Variants in CFAP69 observed in about 807,000 individuals in gnomAD.
The protein encoded by CFAP69 is cilia- and flagella-associated protein 69.
CFAP69 carries 92 observed loss-of-function variants against 123.0 expected under a neutral mutation model. The observed-to-expected ratio is 0.75, with a 90% CI of 0.63 to 0.89. The LOEUF (loss-of-function observed/expected upper bound fraction) is 0.89, where lower values mean the gene tolerates loss of function less well. Ranked by LOEUF, CFAP69 falls within the 40% of genes least tolerant of loss-of-function variation. CFAP69 has a pLI of 0.00. For missense variants in CFAP69, 1,067 were observed against 1,096.9 expected (o/e 0.97, Z 0.39); for synonymous variants, 380 against 364.3 (o/e 1.04, Z -0.49).
At chr7:90,283,394 T>A (rs1789774558) in intron 13 of CFAP69, among the ~76,000 whole-genome samples, 1 of 152,200 alleles carries the variant, frequency 6.6e-6, no homozygotes, top group Admixed American at 6.5e-5. Flanking sequence ...TAAAACAGGA[T>A]AACATGGCAT....
At chr7:90,264,101 AAAAATATAT>A (rs1268100412) in intron 4 of CFAP69, among the ~76,000 whole-genome samples, 1 of 31,870 alleles carries the variant, frequency 3.1e-5, no homozygotes, top group Non-Finnish European at 7.7e-5. Context: ...GAAAAAAAAA[AAAAATATAT>A]ATATATATAT....
chr7:90,255,192 A>T (rs1797494205), intron 1 of CFAP69, among the ~76,000 whole-genome samples: 1 of 152,246 alleles, frequency 6.6e-6, no homozygotes, highest in African/African-American at 2.4e-5. Flanking sequence ...GGCTGATGAA[A>T]TTTTAAAACA....
At position 90,257,430 on chromosome 7, in the gene CFAP69, CTA is replaced by C. The variant is rs1177450385; in HGVS notation, c.181-666_181-665del. Among the ~76,000 whole-genome samples the C allele has an allele frequency of 2.0e-5, 3 of 152,132 alleles. No individual in the cohort carries two copies. The East Asian group carries it at 5.8e-4, about 29-fold the overall frequency. On this transcript the variant is annotated intron_variant, in intron 2 of 22. Coordinates refer to ENST00000389297, the MANE Select transcript of CFAP69 (RefSeq NM_001039706.3). ...CTACCACCTCTAGCATTTATCATTT[CTA>C]TGTGTTGGGAGCATTTCAAATCCCC... is the stretch of plus-strand genomic sequence containing the variant.
In CFAP69 at chr7:90,310,980, T is replaced by A. The variant is rs1197510940; in HGVS notation, c.*742T>A. On this transcript the variant is annotated 3_prime_UTR_variant, in exon 23 of 23. Transcript: ENST00000389297. Reference sequence around the variant, plus strand: ...GTTTTCTCTGCTATAAAAGCAAATGTTAGTCATGAGCCAAATGGTAAAAAA... The same window carrying A: ...GTTTTCTCTGCTATAAAAGCAAATGATAGTCATGAGCCAAATGGTAAAAAA... 2 of 152,196 alleles carry A rather than the reference T, an allele frequency of 1.3e-5. No individual in the cohort carries two copies. The highest frequency in any genetic ancestry group is 4.8e-5 in the African/African-American group (2 of 41,432). The allele number at this position is 152,196 out of a possible 1,614,324, so 9.4% of individuals were successfully genotyped here.
intron 6 of CFAP69, among the ~76,000 whole-genome samples, chr7:90,271,180 G>A (rs772339543): frequency 2.6e-4 from 39 of 152,024 alleles, no homozygotes; most frequent in Non-Finnish European, 8.8e-5. Context: ...CTACACCAGG[G>A]ATCAGCAAAC....
chr7:90,257,797 G>T (rs995737493), intron 2 of CFAP69, among the ~76,000 whole-genome samples: 1 of 151,996 alleles, frequency 6.6e-6, no homozygotes, highest in Non-Finnish European at 1.5e-5. Flanking sequence ...AGTTGATTCT[G>T]TATCTTTGCT....
Position 90,279,661 on chromosome 7 carries a change from T to C in CFAP69, c.1156-16T>C. On this transcript the variant is annotated splice_polypyrimidine_tract_variant and intron_variant, in intron 11 of 22. Transcript: ENST00000389297. ...GGCTATGTTTCTAACAAAGTATCCT[T>C]TGTTCTTTCTCACAGCTATTAATTG... The C allele has an allele frequency of 6.5e-7, 1 of 1,539,816 alleles. No individual in the cohort carries two copies. The highest frequency in any genetic ancestry group is 8.8e-7 in the Non-Finnish European group (1 of 1,136,006).
rs373184007 is a variant in CFAP69, at chr7:90,294,235, A to G, written c.1776-3514A>G. Among the ~76,000 whole-genome samples the G allele has an allele frequency of 5.3e-5, 8 of 152,338 alleles. No homozygotes were observed. In the East Asian group the frequency reaches 5.8e-4, roughly 11 times the overall value. ...AAGAAGCCATTTATGACCGTAAAGTATTTGGAAAACCTGATACCTGATCTG... is the reference window on the plus strand; with the variant it reads ...AAGAAGCCATTTATGACCGTAAAGTGTTTGGAAAACCTGATACCTGATCTG... On this transcript the variant is annotated intron_variant, in intron 15 of 22. Coordinates refer to ENST00000389297, the MANE Select transcript of CFAP69 (RefSeq NM_001039706.3).
intron 12 of CFAP69, among the ~76,000 whole-genome samples, chr7:90,280,707 ATTTTGT>A (rs1482940782): frequency 6.6e-6 from 1 of 152,164 alleles, no homozygotes; most frequent in African/African-American, 2.4e-5. Context: ...ATTTATTTGT[ATTTTGT>A]TTTAGTTCTT....
At chr7:90,309,834 A>G (rs1794117273) in intron 22 of CFAP69, among the ~76,000 whole-genome samples, 1 of 152,182 alleles carries the variant, frequency 6.6e-6, no homozygotes, top group Non-Finnish European at 1.5e-5. Context: ...TGTTCCTGGT[A>G]TCCTCTGCTA....
At chr7:90,311,843 G>A (rs190861598), downstream of CFAP69, among the ~76,000 whole-genome samples, 2 of 152,202 alleles carry the variant, frequency 1.3e-5, no homozygotes, top group East Asian at 1.9e-4. Context: ...AGTGAGCTTT[G>A]TTCTCTCCTG....
rs761083013 is a variant in CFAP69 at position 90,307,844 on chromosome 7, A to T, written c.2540A>T (p.Lys847Ile). The change falls in exon 21 of 23, where the codon AAA becomes ATA. Residue 847 changes from lysine to isoleucine, a missense_variant. Physicochemically the swap from Lys to Ile is moderately radical, Grantham distance 102. Coordinates refer to ENST00000389297, the MANE Select transcript of CFAP69 (RefSeq NM_001039706.3). ...TTCTTGGCTAGAACATCAAACGCTA[A>T]AACGTTAAAGGTAGGATTTTTAATG... The part of the protein sequence containing the change: ...EDFLARTSNA[K>I]TLKKAKSLQE... The T allele has an allele frequency of 6.2e-7, 1 of 1,608,334 alleles. No individual in the cohort carries two copies. The highest frequency in any genetic ancestry group is 8.5e-7 in the Non-Finnish European group (1 of 1,175,896).
chr7:90,285,010 A>G (rs1366275229), intron 13 of CFAP69, among the ~76,000 whole-genome samples: 1 of 152,222 alleles, frequency 6.6e-6, no homozygotes, highest in African/African-American at 2.4e-5. Context: ...GAGAGAATAA[A>G]GGCAAGGAGT....
chr7:90,318,661 CAA>C, the CFAP69 span: 2 of 151,804 alleles, frequency 1.3e-5, no homozygotes, highest in East Asian at 3.9e-4. Flanking sequence ...TTCTTTAAAA[CAA>C]AGACACTTTA....
chr7:90,246,455 T>C (rs1796337626), intron 1 of CFAP69, among the ~76,000 whole-genome samples: 1 of 152,202 alleles, frequency 6.6e-6, no homozygotes, highest in Non-Finnish European at 1.5e-5. Context: ...TGCGTTCACA[T>C]CCTGGAGCCT....
At chr7:90,311,995 C>T (rs888746451), downstream of CFAP69, among the ~76,000 whole-genome samples, 1 of 152,206 alleles carries the variant, frequency 6.6e-6, no homozygotes, top group Admixed American at 6.5e-5. Flanking sequence ...CTTAGGTACA[C>T]TTGAATTGAT....
At chr7:90,276,987 G>A (rs1167691025) in intron 9 of CFAP69, 86 bp from the exon 10 acceptor site, 4 of 941,458 alleles carry the variant, frequency 4.2e-6, no homozygotes, top group Middle Eastern at 6.7e-4. Context: ...TTTGATAAAT[G>A]TACTTAAGTA....
chr7:90,270,480 T>C (rs908796754), intron 6 of CFAP69, among the ~76,000 whole-genome samples: 2 of 152,164 alleles, frequency 1.3e-5, no homozygotes, highest in Admixed American at 6.6e-5. Flanking sequence ...TAATGTTATC[T>C]CTAGATTATG....
intron 5 of CFAP69, among the ~76,000 whole-genome samples, chr7:90,267,278 C>T (rs1486147501): frequency 6.6e-6 from 1 of 152,154 alleles, no homozygotes; most frequent in Non-Finnish European, 1.5e-5. Flanking sequence ...TTTCCACTTG[C>T]CACCCCACTT....
Sources: allele counts gnomAD v4.1 joint callset (sites outside exome capture counted in the v4.1 genomes callset), GRCh38; gene constraint gnomAD v4.1.1; transcripts MANE v1.5; gene names NCBI Gene and HGNC (gene_info 2026-07-23, HGNC 2026-07-21).